The following PRH1 variants were observed in gnomAD, a reference collection of about 807,000 sequenced individuals.
PRH1 encodes the protein proline rich protein HaeIII subfamily 1.
PRH1 carries 7 observed loss-of-function variants against 7.9 expected under a neutral mutation model. The ratio of observed to expected loss-of-function variants is 0.89; its 90% confidence interval spans 0.50 to 1.67. The LOEUF is 1.67. Ranked by LOEUF, PRH1 falls within the 40% of genes most tolerant of loss-of-function variation. The pLI is 0.00. For missense variants in PRH1, 109 were observed against 223.6 expected (o/e 0.49, Z 3.27); for synonymous variants, 45 against 80.8 (o/e 0.56, Z 2.38).
Position 11,075,629 on chromosome 12 carries a change from A to G in PRH1, n.124-28441T>C, listed in dbSNP as rs747639429. 6.1e-5 allele frequency among the ~76,000 whole-genome samples: 7 copies of G among 115,452 alleles called. 3 individuals are homozygous for G. The highest frequency in any genetic ancestry group is 1.4e-4 in the Non-Finnish European group (7 of 48,894). The allele number at this position is 115,452 out of a possible 152,430, so 75.7% of individuals were successfully genotyped here. ...TATATGCTTTTCAAAAAGTATTACAATAAGTGCCATCTAATTTTGACATTC... is the reference window on the plus strand; with the variant it reads ...TATATGCTTTTCAAAAAGTATTACAGTAAGTGCCATCTAATTTTGACATTC... On this transcript the variant is annotated intron_variant and non_coding_transcript_variant, in intron 1 of 4. Transcript: ENST00000541977.
intron 1 of PRH1, among the ~76,000 whole-genome samples, chr12:11,145,127 A>T (rs6488348): frequency 0.45 from 68,845 of 151,500 alleles, 16,362 homozygotes; most frequent in Non-Finnish European, 0.52. Flanking sequence ...ATCCCCCGAA[A>T]CTCTGTAGTG....
intron 1 of PRH1, among the ~76,000 whole-genome samples, chr12:11,168,209 GAAAGAAGAAAGAAAGAAAGAAAGAAAGA>G (rs1565724764): frequency 7.6e-5 from 2 of 26,208 alleles, no homozygotes; most frequent in African/African-American, 1.4e-4. Context: ...ACGAAAGAAA[GAAAGAAGAAAGAAAGAAAGAAAGAAAGA>G]AAGAAAGAAA....
At chr12:10,967,255 A>G (rs1375325104) in intron 2 of PRH1, among the ~76,000 whole-genome samples, 2 of 152,172 alleles carry the variant, frequency 1.3e-5, no homozygotes, top group African/African-American at 2.4e-5. Context: ...GTAAAGATAT[A>G]TAAATGGTGA....
chr12:10,966,302 T>C (rs1475783123), intron 2 of PRH1, among the ~76,000 whole-genome samples: 3 of 152,184 alleles, frequency 2.0e-5, no homozygotes, highest in African/African-American at 4.8e-5. Flanking sequence ...TCTTGCAGTA[T>C]TTTCCCACCA....
chr12:10,889,275 A>G (rs977198801), intron 2 of PRH1, among the ~76,000 whole-genome samples: 1 of 152,134 alleles, frequency 6.6e-6, no homozygotes, highest in African/African-American at 2.4e-5. Context: ...AATGAAGGAT[A>G]TTTTTATTGA....
chr12:11,141,973 T>C (rs1946715455), intron 1 of PRH1, among the ~76,000 whole-genome samples: 2 of 152,222 alleles, frequency 1.3e-5, no homozygotes, highest in Admixed American at 6.5e-5. Flanking sequence ...TATTTTTTTA[T>C]AGAGACAAAG....
In PRH1 at chr12:11,012,014, G is replaced by A. The variant is rs1341906582; in HGVS notation, c.-126+35006C>T. Among the ~76,000 whole-genome samples, 7 of 151,998 alleles carry A rather than the reference G, an allele frequency of 4.6e-5. No homozygotes were observed. In the East Asian group the frequency reaches 1.4e-3, roughly 29 times the overall value. On this transcript the variant is annotated intron_variant, in intron 1 of 3. Transcript: ENST00000539853. Reference sequence around the variant, plus strand: ...ACTTGTGTCTCATGCTTAGGCTTTTGAGTAAGTCATTTTCTTGAGTCTAGT... The same window carrying A: ...ACTTGTGTCTCATGCTTAGGCTTTTAAGTAAGTCATTTTCTTGAGTCTAGT...
At chr12:11,035,876 A>C (rs1435908772) in intron 1 of PRH1, among the ~76,000 whole-genome samples, 1 of 152,020 alleles carries the variant, frequency 6.6e-6, no homozygotes, top group African/African-American at 2.4e-5. Flanking sequence ...CATGATTTAA[A>C]TTTTACGCTG....
intron 2 of PRH1, among the ~76,000 whole-genome samples, chr12:10,956,269 C>G (rs1031078004): frequency 6.6e-6 from 1 of 152,178 alleles, no homozygotes; most frequent in Non-Finnish European, 1.5e-5. Context: ...TTTGGTTAAA[C>G]ACATGTAAAT....
intron 2 of PRH1, among the ~76,000 whole-genome samples, chr12:10,926,372 G>C (rs976757245): frequency 6.6e-6 from 1 of 152,232 alleles, no homozygotes; most frequent in Non-Finnish European, 1.5e-5. Context: ...ACTAGAGCAA[G>C]GTGAAGTTGA....
chr12:10,882,212 C>A lies in PRH1; in HGVS notation c.*18+5G>T, dbSNP rs373970822. ...CCTTTGATGGATAATAAACTGGAAT[C>A]GTACCTGTCATTGAATCCTAGATTA... is the stretch of plus-strand genomic sequence containing the variant. On this transcript the variant is annotated splice_donor_5th_base_variant and intron_variant, in intron 3 of 3. Transcript: ENST00000543626. 6.2e-7 allele frequency: 1 copy of A among 1,613,432 alleles called. No individual in the cohort carries two copies. The highest frequency in any genetic ancestry group is 2.2e-5 in the East Asian group (1 of 44,880).
rs552598154 is a variant in PRH1 at position 11,102,441 on chromosome 12, G to T, written n.124-55253C>A. Among the ~76,000 whole-genome samples the T allele has an allele frequency of 1.5e-4, 22 of 150,896 alleles. No individual in the cohort carries two copies. In the South Asian group the frequency reaches 3.8e-3, roughly 26 times the overall value. ...AAACCTGACAAAAACAAGAAATGGG[G>T]AAAGGATTCCCTATTTAATAAATGG... On this transcript the variant is annotated intron_variant and non_coding_transcript_variant, in intron 1 of 4. Coordinates refer to the PRH1 transcript ENST00000541977.
chr12:11,059,170 C>A (rs1033908664), intron 1 of PRH1, among the ~76,000 whole-genome samples: 2 of 152,186 alleles, frequency 1.3e-5, no homozygotes, highest in Non-Finnish European at 2.9e-5. Flanking sequence ...TCCCTCCTCT[C>A]TCTCATCCCT....
At chr12:10,963,495 T>G (rs1283812406) in intron 2 of PRH1, among the ~76,000 whole-genome samples, 1 of 152,218 alleles carries the variant, frequency 6.6e-6, no homozygotes, top group Non-Finnish European at 1.5e-5. Flanking sequence ...TTAAAAAGAT[T>G]TTTAAATGTG....
intron 1 of PRH1, among the ~76,000 whole-genome samples, chr12:10,980,085 A>G (rs1939282602): frequency 6.6e-6 from 1 of 152,202 alleles, no homozygotes; most frequent in Non-Finnish European, 1.5e-5. Context: ...AGCACACAGA[A>G]AGTAAGGCCA....
intron 1 of PRH1, among the ~76,000 whole-genome samples, chr12:11,148,560 T>C (rs1393163157): frequency 2.7e-5 from 4 of 147,406 alleles, no homozygotes; most frequent in Admixed American, 6.9e-5. Flanking sequence ...GGTTTTTGTC[T>C]TTGGTTCTGT....
chr12:10,978,444 CCTAAAACTGTAAAAA>C (rs1482134915), intron 1 of PRH1, among the ~76,000 whole-genome samples: 1 of 151,994 alleles, frequency 6.6e-6, no homozygotes, highest in Non-Finnish European at 1.5e-5. Context: ...AAATGTAAAA[CCTAAAACTGTAAAAA>C]GAAAAATAAC....
At chr12:10,963,463 T>C (rs1938354642) in intron 2 of PRH1, among the ~76,000 whole-genome samples, 1 of 152,222 alleles carries the variant, frequency 6.6e-6, no homozygotes, top group Non-Finnish European at 1.5e-5. Context: ...GTAATAAAGA[T>C]TTGAGTTCAT....
At chr12:11,033,366 A>AAAAACAAAACAAAACAAAACAAAAC (rs77949516) in intron 1 of PRH1, among the ~76,000 whole-genome samples, 1 of 151,076 alleles carries the variant, frequency 6.6e-6, no homozygotes, top group African/African-American at 2.4e-5. Flanking sequence ...GACTCTGTCA[A>AAAAACAAAACAAAACAAAACAAAAC]AAAACAAAAC....
Sources: gnomAD v4.1 joint callset for allele counts (sites outside exome capture counted in the v4.1 genomes callset) on GRCh38, gnomAD v4.1.1 for gene constraint, MANE v1.5 for transcripts, NCBI Gene and HGNC (gene_info 2026-07-23, HGNC 2026-07-21) for gene names.